RSRC1: variants seen among roughly 807,000 people sequenced by gnomAD.
RSRC1 encodes arginine and serine rich coiled-coil 1, also known as serine/Arginine-related protein 53.
A neutral mutation model predicts 49.1 loss-of-function variants in RSRC1; 39 were observed. That is an observed-to-expected ratio of 0.79 (90% CI 0.61 to 1.04). The LOEUF (loss-of-function observed/expected upper bound fraction) is 1.04, where lower values mean the gene tolerates loss of function less well. Ranked by LOEUF, RSRC1 falls within the 50% of genes least tolerant of loss-of-function variation. RSRC1 has a pLI of 0.00. For synonymous variants in RSRC1, 143 were observed against 130.8 expected (o/e 1.09, Z -0.63); for missense variants, 388 against 402.4 (o/e 0.96, Z 0.31).
At chr3:158,126,714 C>T (rs986125181) in intron 3 of RSRC1, among the ~76,000 whole-genome samples, 1 of 152,064 alleles carries the variant, frequency 6.6e-6, no homozygotes, top group Non-Finnish European at 1.5e-5. Flanking sequence ...TGTCTAGTGT[C>T]ATTTCATTTC....
intron 7 of RSRC1, among the ~76,000 whole-genome samples, chr3:158,461,920 A>T (rs751571954): frequency 4.0e-5 from 6 of 151,370 alleles, no homozygotes; most frequent in Non-Finnish European, 7.4e-5. Context: ...ACTACATGGA[A>T]GCTGAGATTC....
chr3:158,315,769 T>G (rs371702135), intron 5 of RSRC1, among the ~76,000 whole-genome samples: 3 of 152,178 alleles, frequency 2.0e-5, no homozygotes, highest in Non-Finnish European at 4.4e-5. Context: ...ATTTGGAGAT[T>G]TATGTCATGG....
At chr3:158,505,696 T>C (rs1235222487) in intron 7 of RSRC1, among the ~76,000 whole-genome samples, 1 of 151,364 alleles carries the variant, frequency 6.6e-6, no homozygotes, top group Non-Finnish European at 1.5e-5. Context: ...AGAAGGTTTC[T>C]AGTCAGACTT....
In RSRC1 at chr3:158,544,356, C is replaced by A. The variant is rs984628303; in HGVS notation, c.*81C>A. On this transcript the variant is annotated 3_prime_UTR_variant, in exon 10 of 10. Coordinates refer to ENST00000611884, the MANE Select transcript of RSRC1 (RefSeq NM_001271838.2). ...TTTAAATCCCAATATTAACTTTTTA[C>A]TCTTAAAAAGAATTTTGCTGATTAT... 5.0e-5 allele frequency: 43 copies of A among 865,672 alleles called. No individual in the cohort carries two copies. Among genetic ancestry groups the A allele is most frequent in the Non-Finnish European group, 6.8e-5 (38 of 556,166 alleles). The allele number at this position is 865,672 out of a possible 1,614,324, so 53.6% of individuals were successfully genotyped here.
At chr3:158,159,410 A>G (rs1197522675) in intron 3 of RSRC1, among the ~76,000 whole-genome samples, 1 of 152,208 alleles carries the variant, frequency 6.6e-6, no homozygotes, top group African/African-American at 2.4e-5. Context: ...TAGGAATATT[A>G]TTAGTATAGC....
At chr3:158,486,169 C>T (rs1738812592) in intron 7 of RSRC1, among the ~76,000 whole-genome samples, 1 of 152,054 alleles carries the variant, frequency 6.6e-6, no homozygotes, top group Non-Finnish European at 1.5e-5. Flanking sequence ...ATGTTCATTC[C>T]TCTCCCAGTC....
At chr3:158,159,240 G>A (rs1718065861) in intron 3 of RSRC1, among the ~76,000 whole-genome samples, 1 of 152,134 alleles carries the variant, frequency 6.6e-6, no homozygotes, top group African/African-American at 2.4e-5. Flanking sequence ...TTCTAGATTA[G>A]TGGTTGAGAT....
intron 4 of RSRC1, among the ~76,000 whole-genome samples, chr3:158,210,506 A>G (rs1230775107): frequency 6.6e-6 from 1 of 151,714 alleles, no homozygotes; most frequent in Non-Finnish European, 1.5e-5. Context: ...CATACCGTCA[A>G]TTTTGTTAAG....
intron 4 of RSRC1, among the ~76,000 whole-genome samples, chr3:158,261,866 A>G (rs1436915996): frequency 6.6e-6 from 1 of 152,212 alleles, no homozygotes; most frequent in Non-Finnish European, 1.5e-5. Context: ...TGAGTTGTGT[A>G]ATTATTTCAT....
chr3:158,342,853 T>A (rs1730332759), intron 5 of RSRC1, among the ~76,000 whole-genome samples: 2 of 151,974 alleles, frequency 1.3e-5, no homozygotes, highest in Non-Finnish European at 1.5e-5. Flanking sequence ...GGGAAAAAAA[T>A]GAGGTGATTC....
At chr3:158,516,625 C>T (rs1301908719) in intron 7 of RSRC1, among the ~76,000 whole-genome samples, 8 of 152,300 alleles carry the variant, frequency 5.3e-5, no homozygotes, top group East Asian at 1.9e-4. Context: ...GGGCTCCACC[C>T]GGTTGGAGCT....
intron 5 of RSRC1, among the ~76,000 whole-genome samples, chr3:158,351,763 G>A (rs1371141719): frequency 1.3e-5 from 2 of 151,538 alleles, no homozygotes; most frequent in Non-Finnish European, 2.9e-5. Context: ...TTACTAAACT[G>A]CTGTTATTTC....
chr3:158,343,761 T>C (rs1730385829), intron 5 of RSRC1, among the ~76,000 whole-genome samples: 1 of 146,944 alleles, frequency 6.8e-6, no homozygotes, highest in Admixed American at 6.9e-5. Flanking sequence ...AAAAGAACTA[T>C]CCAAAATGAA....
intron 6 of RSRC1, among the ~76,000 whole-genome samples, chr3:158,388,936 C>A (rs75427536): frequency 0.054 from 8,176 of 152,122 alleles, 322 homozygotes; most frequent in South Asian, 0.1. Flanking sequence ...TGACCCTTAC[C>A]CCTTGAAATA....
At chr3:158,360,611 T>C (rs827105) in intron 6 of RSRC1, among the ~76,000 whole-genome samples, 144,162 of 152,344 alleles carry the variant, frequency 0.95, 68,314 homozygotes, top group East Asian at 1. Flanking sequence ...TGGAGGGGGC[T>C]AAGGCAGCAA....
At chr3:158,492,787 T>C (rs1739142121) in intron 7 of RSRC1, among the ~76,000 whole-genome samples, 1 of 152,232 alleles carries the variant, frequency 6.6e-6, no homozygotes, top group Non-Finnish European at 1.5e-5. Context: ...AGCTTTCTCA[T>C]TGCTGTCTTT....
At chr3:158,517,287 A>G (rs1357662546) in intron 7 of RSRC1, among the ~76,000 whole-genome samples, 1 of 152,176 alleles carries the variant, frequency 6.6e-6, no homozygotes, top group African/African-American at 2.4e-5. Context: ...TGGGTTTTCT[A>G]TAAATACAAT....
At chr3:158,368,621 T>A (rs1731904338) in intron 6 of RSRC1, among the ~76,000 whole-genome samples, 1 of 152,218 alleles carries the variant, frequency 6.6e-6, no homozygotes. Flanking sequence ...CTTGGGTGTC[T>A]GTGAATTTGT....
chr3:158,495,281 TTTTGTTTG>T (rs546429980), intron 7 of RSRC1, among the ~76,000 whole-genome samples: 2 of 152,084 alleles, frequency 1.3e-5, no homozygotes, highest in Non-Finnish European at 2.9e-5. Flanking sequence ...TTTTTGGGTT[TTTTGTTTG>T]TTTGTTTGTT....
Sources: gnomAD v4.1 joint callset for allele counts (sites outside exome capture counted in the v4.1 genomes callset) on GRCh38, gnomAD v4.1.1 for gene constraint, MANE v1.5 for transcripts, NCBI Gene and HGNC (gene_info 2026-07-23, HGNC 2026-07-21) for gene names.